The following FREM1 variants were observed in gnomAD, a reference collection of about 807,000 sequenced individuals.
The protein encoded by FREM1 is FRAS1 related extracellular matrix 1.
In FREM1, 220 loss-of-function variants were observed where a neutral mutation model predicts 210.1. The observed-to-expected ratio is 1.05, with a 90% CI of 0.94 to 1.17. The LOEUF is 1.17. FREM1 is among the 50% of genes most tolerant of loss of function. The probability of loss-of-function intolerance (pLI) is 0.00; values close to 1 mark genes in which losing one functional copy is unlikely to be tolerated. For missense variants in FREM1, 3,454 were observed against 2,675.5 expected, an observed-to-expected ratio of 1.29 and a Z score of -6.42; for synonymous variants, 1,189 against 980.2, an observed-to-expected ratio of 1.21 and a Z score of -3.98.
intron 15 of FREM1, 62 bp from the exon 16 acceptor site, chr9:14,813,126 G>C: frequency 6.7e-7 from 1 of 1,491,064 alleles, no homozygotes; most frequent in Non-Finnish European, 9.2e-7. Flanking sequence ...TCTTTGACAG[G>C]TAATCCATTG....
chr9:14,766,834 T>C (rs1481347695), intron 27 of FREM1, among the ~76,000 whole-genome samples: 2 of 152,210 alleles, frequency 1.3e-5, no homozygotes, highest in East Asian at 1.9e-4. Flanking sequence ...GTTTAGCTCA[T>C]TGATTAATAT....
chr9:14,812,780 A>C, intron 16 of FREM1, 32 bp downstream of exon 16: 1 of 1,571,470 alleles, frequency 6.4e-7, no homozygotes, highest in Middle Eastern at 2.0e-4. Flanking sequence ...TGTTGCTTGC[A>C]TTCCCTCACT....
At chr9:14,903,805 C>A (rs768521799) in intron 1 of FREM1, among the ~76,000 whole-genome samples, 6 of 151,546 alleles carry the variant, frequency 4.0e-5, no homozygotes, top group Non-Finnish European at 7.4e-5. Context: ...ACATTGATAT[C>A]TTTGAGCTCT....
Position 14,775,987 on chromosome 9 carries a change from G to C in FREM1, c.4659C>G (p.Gly1553=), listed in dbSNP as rs1451118212. 4.3e-6 allele frequency: 7 copies of C among 1,614,030 alleles called. No homozygotes were observed. The highest frequency in any genetic ancestry group is 1.6e-4 in the Middle Eastern group (1 of 6,062). ...TFLLVQLPQH[G]QLYLWGTGLL... ...GCCCTGTCCCCCACAGGTAGAGCTG[G>C]CCATGCTGGGGGAGCTGAACCAAGA... is the stretch of plus-strand genomic sequence containing the variant. Residue 1553 remains glycine (G), a synonymous_variant, in exon 25 of 37, where the codon GGC becomes GGG. Transcript: ENST00000380880.
chr9:14,906,546 C>T (rs937049409), intron 1 of FREM1, among the ~76,000 whole-genome samples: 4 of 152,162 alleles, frequency 2.6e-5, no homozygotes, highest in African/African-American at 4.8e-5. Flanking sequence ...TGATAGGAAA[C>T]GCCTAACAAA....
intron 1 of FREM1, among the ~76,000 whole-genome samples, chr9:14,891,650 G>C (rs546832210): frequency 1.3e-5 from 2 of 152,326 alleles, no homozygotes; most frequent in African/African-American, 2.4e-5. Flanking sequence ...GGCAGCATTT[G>C]ACTCAAACTG....
intron 10 of FREM1, among the ~76,000 whole-genome samples, chr9:14,834,407 A>G (rs1187119871): frequency 5.3e-5 from 8 of 152,210 alleles, no homozygotes; most frequent in Admixed American, 5.2e-4. Context: ...GTCCTTTAGT[A>G]AAAGGGTTAC....
At chr9:14,900,210 A>G (rs994132648) in intron 1 of FREM1, among the ~76,000 whole-genome samples, 1 of 152,108 alleles carries the variant, frequency 6.6e-6, no homozygotes, top group African/African-American at 2.4e-5. Context: ...GCTTCATATT[A>G]CCATCACCCA....
chr9:14,905,653 C>T (rs1017193861), intron 1 of FREM1, among the ~76,000 whole-genome samples: 5 of 152,170 alleles, frequency 3.3e-5, no homozygotes, highest in Admixed American at 1.3e-4. Context: ...CTTTGGGAGG[C>T]CGAGGCTGGC....
intron 29 of FREM1, among the ~76,000 whole-genome samples, chr9:14,755,380 A>T (rs765625719): frequency 1.3e-5 from 2 of 152,206 alleles, no homozygotes; most frequent in Non-Finnish European, 2.9e-5. Flanking sequence ...AGATGATGTC[A>T]ATAGTTCACA....
intron 28 of FREM1, among the ~76,000 whole-genome samples, chr9:14,756,983 C>A (rs1844499111): frequency 6.6e-6 from 1 of 152,122 alleles, no homozygotes; most frequent in Non-Finnish European, 1.5e-5. Context: ...TGGATGAAGC[C>A]ATTACTCTTC....
chr9:14,817,958 G>A (rs962740161), intron 14 of FREM1, among the ~76,000 whole-genome samples: 3 of 152,098 alleles, frequency 2.0e-5, no homozygotes, highest in African/African-American at 7.2e-5. Context: ...AGGATCAAAT[G>A]GCCCTAAGAG....
At chr9:14,781,425 C>A (rs999645969) in intron 24 of FREM1, among the ~76,000 whole-genome samples, 2 of 152,086 alleles carry the variant, frequency 1.3e-5, no homozygotes, top group Non-Finnish European at 1.5e-5. Flanking sequence ...TTGCCATATG[C>A]CTGTACTATG....
At chr9:14,884,059 C>A (rs147728638) in intron 1 of FREM1, among the ~76,000 whole-genome samples, 1 of 152,012 alleles carries the variant, frequency 6.6e-6, no homozygotes, top group Non-Finnish European at 1.5e-5. Context: ...CGAAACCCTG[C>A]CTCTACTAAA....
intron 2 of FREM1, among the ~76,000 whole-genome samples, chr9:14,865,776 G>A (rs866834823): frequency 4.6e-5 from 7 of 151,926 alleles, no homozygotes; most frequent in Admixed American, 6.6e-5. Context: ...ACCAGCCTGC[G>A]TTAAAAACCA....
intron 19 of FREM1, among the ~76,000 whole-genome samples, chr9:14,802,188 C>T (rs1433440103): frequency 4.6e-5 from 7 of 152,096 alleles, no homozygotes; most frequent in East Asian, 1.9e-4. Context: ...GCAACCAAGA[C>T]GGTGTTTGCT....
At chr9:14,746,249 C>T in intron 35 of FREM1, 104 bp downstream of exon 35, 1 of 781,374 alleles carries the variant, frequency 1.3e-6, no homozygotes, top group Non-Finnish European at 2.1e-6. Context: ...AGATATTAGG[C>T]ACTCAATACT....
chr9:14,754,139 T>C (rs1035487612), intron 29 of FREM1, among the ~76,000 whole-genome samples: 4 of 152,184 alleles, frequency 2.6e-5, no homozygotes, highest in Admixed American at 6.5e-5. Context: ...TTACTCCTGA[T>C]CTTGTAGCAA....
intron 24 of FREM1, among the ~76,000 whole-genome samples, chr9:14,781,894 G>A (rs373024700): frequency 5.3e-5 from 8 of 152,210 alleles, no homozygotes; most frequent in East Asian, 1.9e-4. Flanking sequence ...TAGTAGAGAC[G>A]GGGTTTCGCC....
Sources: gnomAD v4.1 joint callset for allele counts (sites outside exome capture counted in the v4.1 genomes callset) on GRCh38, gnomAD v4.1.1 for gene constraint, MANE v1.5 for transcripts, NCBI Gene and HGNC (gene_info 2026-07-23, HGNC 2026-07-21) for gene names.